SMARCA5: variants seen among roughly 807,000 people sequenced by gnomAD.
SMARCA5 encodes SNF2 related chromatin remodeling ATPase 5.
Under a neutral mutation model 140.4 loss-of-function variants are expected in SMARCA5, and 18 were observed. The observed-to-expected ratio is 0.13, with a 90% CI of 0.09 to 0.19. The LOEUF is 0.19. Ranked by LOEUF, SMARCA5 falls within the 10% of genes least tolerant of loss-of-function variation. SMARCA5 has a pLI of 1.00. For missense variants in SMARCA5, 606 were observed against 1,276.8 expected, an observed-to-expected ratio of 0.47 and a Z score of 8.01; for synonymous variants, 449 against 419.6, an observed-to-expected ratio of 1.07 and a Z score of -0.86.
chr4:143,521,107 C>T (rs963671877), intron 2 of SMARCA5, among the ~76,000 whole-genome samples: 1 of 152,148 alleles, frequency 6.6e-6, no homozygotes, highest in African/African-American at 2.4e-5. Flanking sequence ...CCATCACAAT[C>T]ATGATGCAGA....
At chr4:143,548,630 AG>A (rs1251692793) in intron 22 of SMARCA5, among the ~76,000 whole-genome samples, 13 of 152,088 alleles carry the variant, frequency 8.5e-5, no homozygotes, top group Non-Finnish European at 1.8e-4. Flanking sequence ...CTGACCAAAT[AG>A]CCCCATTTCT....
In SMARCA5 at chr4:143,543,494, A is replaced by G; in HGVS notation, c.1904-15A>G. 6.2e-7 allele frequency: 1 copy of G among 1,610,854 alleles called. No homozygotes were observed. The highest frequency in any genetic ancestry group is 8.5e-7 in the Non-Finnish European group (1 of 1,178,262). ...GTCTGTTCAGTTAACATTATACAAC[A>G]CAATCTTTTTTCAGGGAGGCTTGTG... On this transcript the variant is annotated splice_polypyrimidine_tract_variant and intron_variant, in intron 14 of 23. Coordinates refer to ENST00000283131, the MANE Select transcript of SMARCA5 (RefSeq NM_003601.4).
chr4:143,537,917 CA>C (rs34592654), intron 11 of SMARCA5, among the ~76,000 whole-genome samples: 58,154 of 101,490 alleles, frequency 0.57, 14,022 homozygotes, highest in Middle Eastern at 0.7. Flanking sequence ...GACTCCATCT[CA>C]AAAAAAAAAA....
chr4:143,526,841 G>A (rs1216490461), intron 6 of SMARCA5, among the ~76,000 whole-genome samples: 1 of 151,802 alleles, frequency 6.6e-6, no homozygotes, highest in Non-Finnish European at 1.5e-5. Flanking sequence ...TCCAGCCTGG[G>A]CAACAAAGCA....
chr4:143,545,744 T>G (rs1737512126), intron 18 of SMARCA5, among the ~76,000 whole-genome samples, 161 bp downstream of exon 18: 4 of 152,170 alleles, frequency 2.6e-5, no homozygotes, highest in Admixed American at 2.6e-4. Context: ...GGGTCTGTTT[T>G]TCTTTAACAA....
intron 8 of SMARCA5, among the ~76,000 whole-genome samples, chr4:143,529,449 G>C (rs1737138567): frequency 1.3e-5 from 2 of 152,242 alleles, no homozygotes; most frequent in East Asian, 3.9e-4. Flanking sequence ...AGTGAAATCT[G>C]TCTGGCTTTT....
chr4:143,527,954 G>T lies in SMARCA5; in HGVS notation c.888G>T (p.Val296=). 1 of 1,597,750 alleles carries T rather than the reference G, an allele frequency of 6.3e-7. No individual in the cohort carries two copies. The highest frequency in any genetic ancestry group is 8.5e-7 in the Non-Finnish European group (1 of 1,174,822). ...AAATGCTTATTAAAGAGAAGTCTGT[G>T]TTCAAAAAATTTAATTGGAGATACT... is the stretch of plus-strand genomic sequence containing the variant. ...SYEMLIKEKS[V]FKKFNWRYLV... Residue 296 remains valine (V), a synonymous_variant, in exon 7 of 24, where the codon GTG becomes GTT. Coordinates refer to ENST00000283131, the MANE Select transcript of SMARCA5 (RefSeq NM_003601.4).
intron 1 of SMARCA5, among the ~76,000 whole-genome samples, chr4:143,515,955 A>AT (rs573651726): frequency 6.3e-5 from 9 of 143,362 alleles, no homozygotes; most frequent in East Asian, 2.0e-4. Flanking sequence ...TCACTGACAC[A>AT]TTTTTTTTTT....
At chr4:143,534,407 G>T (rs1737262971) in intron 9 of SMARCA5, among the ~76,000 whole-genome samples, 1 of 151,992 alleles carries the variant, frequency 6.6e-6, no homozygotes, top group Non-Finnish European at 1.5e-5. Context: ...ACTATGGATT[G>T]GAAATATTTG....
chr4:143,540,017 T>G (rs1183180112), intron 13 of SMARCA5, among the ~76,000 whole-genome samples: 2 of 152,248 alleles, frequency 1.3e-5, no homozygotes, highest in Non-Finnish European at 2.9e-5. Flanking sequence ...AATTTTTGTG[T>G]TGTTTGCTAA....
Position 143,526,683 on chromosome 4 carries a change from A to T in SMARCA5, c.801+223A>T, listed in dbSNP as rs79091215. 3.7e-4 allele frequency among the ~76,000 whole-genome samples: 57 copies of T among 152,242 alleles called. No homozygotes were observed. The East Asian group carries it at 0.011, about 29-fold the overall frequency. ...GAGACCATCCTGGCTAACACAGTGA[A>T]ACCCCGTTTCTACTAAAAACTCAAA... On this transcript the variant is annotated intron_variant, in intron 6 of 23. Coordinates refer to ENST00000283131, the MANE Select transcript of SMARCA5 (RefSeq NM_003601.4).
rs754593322 is a variant in SMARCA5 at position 143,517,371 on chromosome 4, C to T, written c.194C>T (p.Ala65Val). Reference protein sequence around the residue: ...DAEMEEIFDDASPGKQKEIQE... With the variant: ...DAEMEEIFDDVSPGKQKEIQE... ...TTCTACCAGGAAATATTTGATGATG[C>T]GTCACCTGGAAAGCAAAAGGAAATC... Residue 65 changes from alanine (A) to valine (V), a missense_variant, in exon 2 of 24, where the codon GCG (alanine) becomes GTG (valine). Transcript: ENST00000283131. 3.0e-5 allele frequency: 48 copies of T among 1,607,088 alleles called. No individual in the cohort carries two copies. The highest frequency in any genetic ancestry group is 1.6e-4 in the Middle Eastern group (1 of 6,068).
At chr4:143,527,624 CTA>C (rs1341320541) in intron 6 of SMARCA5, among the ~76,000 whole-genome samples, 3 of 152,120 alleles carry the variant, frequency 2.0e-5, no homozygotes, top group Non-Finnish European at 4.4e-5. Flanking sequence ...TTTTAAGTGT[CTA>C]TTGAATTTTT....
chr4:143,518,986 T>C (rs1369154448), intron 2 of SMARCA5, among the ~76,000 whole-genome samples: 1 of 152,142 alleles, frequency 6.6e-6, no homozygotes, highest in African/African-American at 2.4e-5. Context: ...TGAAAGACAT[T>C]TTTTCCCGTG....
intron 20 of SMARCA5, among the ~76,000 whole-genome samples, 185 bp downstream of exon 20, chr4:143,547,093 A>AT (rs949505629): frequency 9.2e-5 from 14 of 152,146 alleles, no homozygotes; most frequent in Non-Finnish European, 1.8e-4. Flanking sequence ...CTTTTTAAAA[A>AT]TTTTTTAACC....
chr4:143,547,237 G>C (rs1737543301), intron 20 of SMARCA5, 148 bp from the exon 21 acceptor site: 1 of 569,972 alleles, frequency 1.8e-6, no homozygotes. Context: ...GTATTATTAG[G>C]TTAACATGTG....
At chr4:143,542,201 T>C (rs1451994320) in intron 14 of SMARCA5, among the ~76,000 whole-genome samples, 1 of 152,176 alleles carries the variant, frequency 6.6e-6, no homozygotes, top group East Asian at 1.9e-4. Context: ...AATTGATTCA[T>C]AATTAATTTA....
intron 3 of SMARCA5, among the ~76,000 whole-genome samples, chr4:143,522,906 A>C (rs1404360754): frequency 6.6e-6 from 1 of 152,188 alleles, no homozygotes; most frequent in East Asian, 1.9e-4. Context: ...GTTATTAGGG[A>C]AAAAAGTCCT....
intron 19 of SMARCA5, 104 bp downstream of exon 19, chr4:143,546,151 A>T: frequency 1.2e-6 from 1 of 824,778 alleles, no homozygotes; most frequent in Middle Eastern, 3.7e-4. Flanking sequence ...GCTTTTAAAG[A>T]TGGAATAATT....
Sources: gnomAD v4.1 joint callset for allele counts (sites outside exome capture counted in the v4.1 genomes callset) on GRCh38, gnomAD v4.1.1 for gene constraint, MANE v1.5 for transcripts, NCBI Gene and HGNC (gene_info 2026-07-23, HGNC 2026-07-21) for gene names.